The following MICAL2 variants were observed in gnomAD, a reference collection of about 807,000 sequenced individuals.
The protein encoded by MICAL2 is microtubule associated monooxygenase, calponin and LIM domain containing 2, also known as [F-actin]-monooxygenase MICAL2.
Under a neutral mutation model 127.3 loss-of-function variants are expected in MICAL2, and 77 were observed. The ratio of observed to expected loss-of-function variants is 0.60; its 90% CI spans 0.50 to 0.73. The LOEUF (loss-of-function observed/expected upper bound fraction) is 0.73, where lower values mean the gene tolerates loss of function less well. Among genes scored for constraint, MICAL2 ranks in the 30% least tolerant of loss-of-function variants. The probability of loss-of-function intolerance (pLI) is 0.00; values close to 1 mark genes in which losing one functional copy is unlikely to be tolerated. For missense variants in MICAL2, 1,351 were observed against 1,434.4 expected, an observed-to-expected ratio of 0.94 and a Z score of 0.94; for synonymous variants, 570 against 551.1, an observed-to-expected ratio of 1.03 and a Z score of -0.48.
At chr11:12,162,030 C>A in intron 2 of MICAL2, 49 bp from the exon 3 acceptor site, 1 of 1,355,202 alleles carries the variant, frequency 7.4e-7, no homozygotes, top group Non-Finnish European at 1.0e-6. Flanking sequence ...CATCCCCCAC[C>A]CTAACCTCAT....
At chr11:12,253,798 A>T (rs1053966212) in intron 22 of MICAL2, 1 of 152,296 alleles carries the variant, frequency 6.6e-6, no homozygotes, top group East Asian at 1.9e-4. Flanking sequence ...ACTGCCCTTC[A>T]GGGGCCTCTG....
In MICAL2 at chr11:12,242,327, G is replaced by C. The variant is rs755181075; in HGVS notation, c.2451G>C (p.Leu817=). 2 of 1,614,128 alleles carry C rather than the reference G, an allele frequency of 1.2e-6. No homozygotes were observed. The highest frequency in any genetic ancestry group is 3.3e-5 in the Admixed American group (2 of 60,020). The change falls in exon 19 of 28, where the codon CTG becomes CTC. Residue 817 remains leucine (L), a synonymous_variant. Transcript: ENST00000683283. ...CCAGAGCCAAGTCTGACCTACAGCTGGGTGGGACAGAAAATTTCGCTACCC... is the reference window on the plus strand; with the variant it reads ...CCAGAGCCAAGTCTGACCTACAGCTCGGTGGGACAGAAAATTTCGCTACCC... ...WRARAKSDLQ[L]GGTENFATLP... is the part of the protein sequence containing the mutation.
Position 12,162,401 on chromosome 11 carries a change from G to A in MICAL2, c.246G>A (p.Lys82=). The A allele has an allele frequency of 6.2e-7, 1 of 1,614,238 alleles. No individual in the cohort carries two copies. The highest frequency in any genetic ancestry group is 1.1e-5 in the South Asian group (1 of 91,086). ...CCCACAAAGAGTATAAGCGAGGGAAGTCGTGCACGAACACCAAGGTAAGGG... is the reference window on the plus strand; with the variant it reads ...CCCACAAAGAGTATAAGCGAGGGAAATCGTGCACGAACACCAAGGTAAGGG... The part of the protein sequence containing the change: ...RGSHKEYKRG[K]SCTNTKCLIV... Residue 82 remains lysine (K), a synonymous_variant, in exon 3 of 28, where the codon AAG becomes AAA. Coordinates refer to ENST00000683283, the MANE Select transcript of MICAL2 (RefSeq NM_001282663.2).
chr11:12,346,563 C>G (rs1025418506), intron 32 of MICAL2, among the ~76,000 whole-genome samples: 27 of 152,190 alleles, frequency 1.8e-4, no homozygotes, highest in African/African-American at 6.3e-4. Flanking sequence ...TCTTCCCCTC[C>G]TCTCCCTGGC....
intron 2 of MICAL2, among the ~76,000 whole-genome samples, chr11:12,157,851 A>G (rs1203442518): frequency 1.3e-5 from 2 of 152,182 alleles, no homozygotes; most frequent in African/African-American, 4.8e-5. Flanking sequence ...CATTCCCAGC[A>G]CTGTCCTGAA....
chr11:12,360,999 A>C (rs191958095), downstream of MICAL2, among the ~76,000 whole-genome samples: 1 of 152,186 alleles, frequency 6.6e-6, no homozygotes, highest in Non-Finnish European at 1.5e-5. Context: ...AATACTATAC[A>C]TTTTGAAGAC....
chr11:12,211,948 C>T (rs1590374732), intron 6 of MICAL2, among the ~76,000 whole-genome samples: 2 of 152,308 alleles, frequency 1.3e-5, no homozygotes, highest in Non-Finnish European at 2.9e-5. Context: ...CACTTAACAC[C>T]CTCCTCTTAA....
intron 2 of MICAL2, among the ~76,000 whole-genome samples, chr11:12,148,981 C>T (rs1172896730): frequency 6.6e-6 from 1 of 152,198 alleles, no homozygotes; most frequent in African/African-American, 2.4e-5. Flanking sequence ...TAGGCAACTC[C>T]TCCAGGCTCA....
intron 3 of MICAL2, among the ~76,000 whole-genome samples, chr11:12,179,728 G>A (rs553594223): frequency 3.3e-5 from 5 of 151,178 alleles, no homozygotes; most frequent in East Asian, 1.9e-4. Context: ...TCCTGCTCTC[G>A]AGGGCTGCCT....
At chr11:12,319,591 G>A (rs1319193503) in intron 29 of MICAL2, 2 of 801,042 alleles carry the variant, frequency 2.5e-6, no homozygotes, top group Non-Finnish European at 4.2e-6. Context: ...GGAGGGCAGG[G>A]AGGAAGGGAA....
intron 3 of MICAL2, among the ~76,000 whole-genome samples, chr11:12,192,890 A>G (rs999894959): frequency 3.9e-4 from 59 of 152,150 alleles, no homozygotes; most frequent in African/African-American, 1.3e-3. Context: ...TTTATGAACA[A>G]TTCTGCAGTG....
intron 15 of MICAL2, among the ~76,000 whole-genome samples, chr11:12,234,776 G>A (rs73418147): frequency 0.062 from 9,430 of 152,252 alleles, 429 homozygotes; most frequent in East Asian, 0.28. Context: ...GGGAGGGGAT[G>A]CGTACTGGGT....
At chr11:12,298,728 C>T (rs1272869853) in intron 29 of MICAL2, among the ~76,000 whole-genome samples, 1 of 152,050 alleles carries the variant, frequency 6.6e-6, no homozygotes, top group Non-Finnish European at 1.5e-5. Context: ...CATCAAATGT[C>T]TTTTCAGCAT....
chr11:12,358,405 A>G (rs549374280), exon 35 of MICAL2: 4 of 1,614,194 alleles, frequency 2.5e-6, no homozygotes, highest in African/African-American at 1.3e-5. Context: ...GGAACAACGC[A>G]TCAGAGAAAA....
chr11:12,318,333 C>T (rs868115086), intron 29 of MICAL2, among the ~76,000 whole-genome samples: 1 of 152,212 alleles, frequency 6.6e-6, no homozygotes, highest in Non-Finnish European at 1.5e-5. Flanking sequence ...ACAATCTCAG[C>T]TCATCAGTAA....
downstream of MICAL2, among the ~76,000 whole-genome samples, chr11:12,267,004 A>G (rs1266994218): frequency 6.6e-6 from 1 of 152,214 alleles, no homozygotes; most frequent in East Asian, 1.9e-4. Flanking sequence ...GCCTGACAGG[A>G]CACCTTCAGG....
intron 2 of MICAL2, among the ~76,000 whole-genome samples, chr11:12,148,717 G>A (rs74377045): frequency 0.032 from 4,835 of 152,306 alleles, 104 homozygotes; most frequent in South Asian, 0.047. Context: ...GCTTCAGAAC[G>A]CACAGTCAGG....
intron 29 of MICAL2, among the ~76,000 whole-genome samples, chr11:12,314,921 G>T (rs1023792222): frequency 6.6e-6 from 1 of 152,060 alleles, no homozygotes; most frequent in Non-Finnish European, 1.5e-5. Flanking sequence ...ATGGATTCAT[G>T]CACATTTTCT....
chr11:12,355,733 T>C (rs991485422), intron 34 of MICAL2, among the ~76,000 whole-genome samples: 2 of 152,228 alleles, frequency 1.3e-5, no homozygotes, highest in African/African-American at 4.8e-5. Flanking sequence ...AATCCCATGC[T>C]CAAGGTGAAT....
Sources: allele counts gnomAD v4.1 joint callset (sites outside exome capture counted in the v4.1 genomes callset), GRCh38; gene constraint gnomAD v4.1.1; transcripts MANE v1.5; gene names NCBI Gene and HGNC (gene_info 2026-07-23, HGNC 2026-07-21).